The following TMED10 variants were observed in gnomAD, a reference collection of about 807,000 sequenced individuals.
The protein encoded by TMED10 is transmembrane p24 trafficking protein 10.
In TMED10, 7 loss-of-function variants were observed where a neutral mutation model predicts 23.1. The observed-to-expected ratio is 0.30, with a 90% CI of 0.17 to 0.57. TMED10 has a LOEUF of 0.57. TMED10 is among the 20% of genes least tolerant of loss of function. The pLI is 0.91. For synonymous variants in TMED10, 113 were observed against 106.9 expected (o/e 1.06, Z -0.35); for missense variants, 162 against 274.8 (o/e 0.59, Z 2.90).
chr14:75,135,503 A>G (rs1299687931), intron 4 of TMED10, among the ~76,000 whole-genome samples: 1 of 152,122 alleles, frequency 6.6e-6, no homozygotes, highest in Non-Finnish European at 1.5e-5. Flanking sequence ...GAAAATTACA[A>G]AGATTGGTGC....
intron 3 of TMED10, among the ~76,000 whole-genome samples, chr14:75,147,183 C>CTTTTTTT (rs1895894334): frequency 2.6e-5 from 2 of 77,804 alleles, no homozygotes; most frequent in African/African-American, 1.2e-4. Flanking sequence ...TTCTTCAAGG[C>CTTTTTTT]TGTTTTTTTT....
intron 2 of TMED10, among the ~76,000 whole-genome samples, chr14:75,148,543 C>G (rs175432): frequency 0.44 from 67,550 of 151,846 alleles, 15,665 homozygotes; most frequent in Middle Eastern, 0.56. Flanking sequence ...GGAAAAGACC[C>G]AAGGAGCCCC....
rs1262695201 is a variant in TMED10, at chr14:75,134,548, A to C, written c.*337T>G. The C allele has an allele frequency of 2.3e-5, 4 of 177,194 alleles. No homozygotes were observed. In the Admixed American group the frequency reaches 2.3e-4, roughly 10 times the overall value. 11.0% of individuals were successfully genotyped at this position (177,194 alleles called of 1,614,324 possible). On this transcript the variant is annotated 3_prime_UTR_variant, in exon 5 of 5. Coordinates refer to ENST00000303575, the MANE Select transcript of TMED10 (RefSeq NM_006827.6). ...GCTGCTGAGCAAGTGGGAGAAGAAA[A>C]GAAAACATAGTCCAAACAGATCACA...
intron 3 of TMED10, 132 bp downstream of exon 3, chr14:75,147,532 G>A (rs1895901906): frequency 3.2e-6 from 3 of 949,628 alleles, no homozygotes; most frequent in Non-Finnish European, 5.1e-6. Flanking sequence ...GTAAGATCAT[G>A]GCTGGCTGTC....
intron 1 of TMED10, among the ~76,000 whole-genome samples, chr14:75,175,111 A>G (rs1188646962): frequency 6.6e-6 from 1 of 152,140 alleles, no homozygotes. Context: ...TTGTGTTACA[A>G]AGAAAAAAAA....
intron 3 of TMED10, among the ~76,000 whole-genome samples, chr14:75,147,063 TAC>T (rs374763683): frequency 1.8e-3 from 273 of 152,212 alleles, no homozygotes; most frequent in Middle Eastern, 6.8e-3. Context: ...TATCTCTCTC[TAC>T]ACACACACAG....
intron 1 of TMED10, among the ~76,000 whole-genome samples, chr14:75,175,645 A>G (rs919116046): frequency 1.1e-4 from 16 of 152,082 alleles, no homozygotes; most frequent in Non-Finnish European, 2.1e-4. Flanking sequence ...AATGTAAATG[A>G]CGAGTTAATG....
At chr14:75,163,079 T>TA (rs1016032833) in intron 1 of TMED10, among the ~76,000 whole-genome samples, 105 of 146,970 alleles carry the variant, frequency 7.1e-4, no homozygotes, top group African/African-American at 2.1e-3. Context: ...TAAAAATAAT[T>TA]AAAAAAAAAA....
chr14:75,146,604 C>T (rs1376107414), intron 3 of TMED10, among the ~76,000 whole-genome samples: 2 of 152,018 alleles, frequency 1.3e-5, no homozygotes, highest in African/African-American at 4.8e-5. Flanking sequence ...TTTGAAGAAC[C>T]CTTTTGTGCT....
At chr14:75,171,433 C>T (rs1464038549) in intron 1 of TMED10, among the ~76,000 whole-genome samples, 1 of 152,052 alleles carries the variant, frequency 6.6e-6, no homozygotes, top group Non-Finnish European at 1.5e-5. Context: ...GTGTGCACCA[C>T]CATGCCCAGC....
At chr14:75,154,662 ATTTT>A (rs1281252822) in intron 1 of TMED10, among the ~76,000 whole-genome samples, 1 of 151,688 alleles carries the variant, frequency 6.6e-6, no homozygotes, top group Non-Finnish European at 1.5e-5. Flanking sequence ...TTTTAAATTT[ATTTT>A]TATTTATTTA....
At chr14:75,151,274 G>A (rs1895953492) in intron 2 of TMED10, among the ~76,000 whole-genome samples, 1 of 151,930 alleles carries the variant, frequency 6.6e-6, no homozygotes, top group East Asian at 1.9e-4. Flanking sequence ...AGGCTGGAGT[G>A]CAGTGACACA....
rs1291315831 is a variant in TMED10, at chr14:75,176,376, G to A, written c.204C>T (p.Gly68=). ...GCACCTTGAGGTGGCTGCGCAGGCCGCCAGCGCCCCCAGACTGGTCGGAGA... is the reference window on the plus strand; with the variant it reads ...GCACCTTGAGGTGGCTGCGCAGGCCACCAGCGCCCCCAGACTGGTCGGAGA... ...YEISDQSGGA[G]GLRSHLKITD... Residue 68 remains glycine (G), a synonymous_variant, in exon 1 of 5, where the codon GGC becomes GGT. Coordinates refer to ENST00000303575, the MANE Select transcript of TMED10 (RefSeq NM_006827.6). 7 of 1,614,046 alleles carry A rather than the reference G, an allele frequency of 4.3e-6. No homozygotes were observed. The highest frequency in any genetic ancestry group is 2.2e-5 in the South Asian group (2 of 91,088).
At chr14:75,165,048 G>A (rs1566675406) in intron 1 of TMED10, among the ~76,000 whole-genome samples, 1 of 151,980 alleles carries the variant, frequency 6.6e-6, no homozygotes, top group Non-Finnish European at 1.5e-5. Context: ...CATTAGATAT[G>A]GCGGAAAGAG....
rs540451938 is a variant in TMED10, at chr14:75,164,353, C to T, written c.225+12002G>A. On this transcript the variant is annotated intron_variant, in intron 1 of 4. Coordinates refer to ENST00000303575, the MANE Select transcript of TMED10 (RefSeq NM_006827.6). The stretch of plus-strand genomic sequence containing the variant: ...TCAAGCAATTCTCCTGCCTCAGCCT[C>T]CCCAAGTAGCTGGGACTACAGGTGT... 3.3e-5 allele frequency among the ~76,000 whole-genome samples: 5 copies of T among 149,730 alleles called. No individual in the cohort carries two copies. The Admixed American group carries it at 3.3e-4, about 10-fold the overall frequency.
chr14:75,163,292 C>T (rs1463194623), intron 1 of TMED10, among the ~76,000 whole-genome samples: 1 of 151,832 alleles, frequency 6.6e-6, no homozygotes, highest in Non-Finnish European at 1.5e-5. Context: ...GTGGCTCACG[C>T]CTGTAATCCC....
At chr14:75,141,833 C>T (rs1895825987) in intron 3 of TMED10, among the ~76,000 whole-genome samples, 1 of 152,176 alleles carries the variant, frequency 6.6e-6, no homozygotes, top group African/African-American at 2.4e-5. Context: ...GACTAATAAA[C>T]TTCCTGGGTT....
chr14:75,162,227 T>C (rs1317600624), intron 1 of TMED10, among the ~76,000 whole-genome samples: 1 of 152,134 alleles, frequency 6.6e-6, no homozygotes, highest in African/African-American at 2.4e-5. Context: ...ATTATGCCAC[T>C]GCACTCCAGC....
chr14:75,161,660 T>A (rs1019300509), intron 1 of TMED10, among the ~76,000 whole-genome samples: 3 of 152,104 alleles, frequency 2.0e-5, no homozygotes, highest in Non-Finnish European at 4.4e-5. Context: ...ATGAATGACC[T>A]GATCTAATGC....
Sources: gnomAD v4.1 joint callset for allele counts (sites outside exome capture counted in the v4.1 genomes callset) on GRCh38, gnomAD v4.1.1 for gene constraint, MANE v1.5 for transcripts, NCBI Gene and HGNC (gene_info 2026-07-23, HGNC 2026-07-21) for gene names.